GLTP: variants seen among roughly 807,000 people sequenced by gnomAD.
The protein encoded by GLTP is glycolipid transfer protein.
GLTP carries 22 observed loss-of-function variants against 24.0 expected under a neutral mutation model. The ratio of observed to expected loss-of-function variants is 0.92; its 90% CI spans 0.65 to 1.31. The LOEUF is 1.31. Ranked by LOEUF, GLTP falls within the 50% of genes most tolerant of loss-of-function variation. The pLI, the probability that GLTP is intolerant of heterozygous loss-of-function variation, is 0.00. For missense variants in GLTP, 224 were observed against 276.6 expected (o/e 0.81, Z 1.35); for synonymous variants, 92 against 115.9 (o/e 0.79, Z 1.33).
chr12:109,875,473 G>C (rs1165865634), intron 1 of GLTP, among the ~76,000 whole-genome samples: 1 of 152,186 alleles, frequency 6.6e-6, no homozygotes, highest in East Asian at 1.9e-4. Context: ...GAGGCTTCTA[G>C]ACAGGGAATG....
Position 109,855,641 on chromosome 12 carries a change from C to T in GLTP, c.425G>A (p.Trp142Ter). The change falls in exon 4 of 5, where the codon TGG becomes TAG. Residue 142 changes from tryptophan (W) to a stop codon, truncating the protein, a stop_gained. Transcript: ENST00000318348. LOFTEE classifies it high-confidence loss of function. This position sits in a 1 kb window ranked among gnomAD's most constrained non-coding sequence, Gnocchi z 4.1. The stretch of plus-strand genomic sequence containing the variant: ...CACCTGGAAGATCTTCTGCACGATC[C>T]AGCCATGGTACTTCTTGAGGGCCAT... Reference protein sequence around the residue: ...YEMALKKYHGWIVQKIFQAAL... With the variant: ...YEMALKKYHG 1.3e-6 allele frequency: 2 copies of T among 1,582,078 alleles called. No homozygotes were observed. Among genetic ancestry groups the T allele is most frequent in the Non-Finnish European group, 1.7e-6 (2 of 1,164,122 alleles).
intron 1 of GLTP, among the ~76,000 whole-genome samples, chr12:109,873,020 T>C (rs1474446431): frequency 6.6e-6 from 1 of 152,204 alleles, no homozygotes; most frequent in Non-Finnish European, 1.5e-5. Flanking sequence ...ATTTGAGTTT[T>C]GTTTTGTTTT....
At chr12:109,860,407 A>G (rs540806055) in intron 1 of GLTP, 88 of 213,142 alleles carry the variant, frequency 4.1e-4, no homozygotes, top group Non-Finnish European at 7.7e-4. Flanking sequence ...ATTGTCTTCA[A>G]TAGTAGCATG....
intron 1 of GLTP, among the ~76,000 whole-genome samples, chr12:109,879,031 C>T (rs1283379565): frequency 6.6e-6 from 1 of 152,194 alleles, no homozygotes; most frequent in Non-Finnish European, 1.5e-5. Flanking sequence ...CACAGCTGCC[C>T]TAGGAGATCA....
At chr12:109,867,348 C>G (rs1868562094) in intron 1 of GLTP, among the ~76,000 whole-genome samples, 1 of 151,838 alleles carries the variant, frequency 6.6e-6, no homozygotes, top group South Asian at 2.1e-4. Context: ...AGGGTTTCAC[C>G]ATGTTGCCCA....
chr12:109,853,754 A>C (rs1892757842), intron 4 of GLTP, among the ~76,000 whole-genome samples: 1 of 151,632 alleles, frequency 6.6e-6, no homozygotes, highest in South Asian at 2.1e-4. Context: ...TTATTTAAAA[A>C]ATTTTTTTAG....
intron 1 of GLTP, among the ~76,000 whole-genome samples, chr12:109,863,662 T>C (rs1393066478): frequency 6.6e-6 from 1 of 152,222 alleles, no homozygotes; most frequent in Non-Finnish European, 1.5e-5. Flanking sequence ...ACTTTGGGCC[T>C]CAGTTCCCCT....
Position 109,852,243 on chromosome 12 carries a change from C to A in GLTP, c.*312G>T. 4.5e-6 allele frequency: 1 copy of A among 220,422 alleles called. No individual in the cohort carries two copies. The highest frequency in any genetic ancestry group is 8.9e-6 in the Non-Finnish European group (1 of 112,256). The allele number at this position is 220,422 out of a possible 1,614,324, so 13.7% of individuals were successfully genotyped here. A position where few individuals can be genotyped will look rare whatever the true frequency, so the allele number is the denominator to read the frequency against. On this transcript the variant is annotated 3_prime_UTR_variant, in exon 5 of 5. Transcript: ENST00000318348. ...AAAACAAAACCAAAAAACCCTAGGA[C>A]TTGACTCATTAGAAGTGTTAATCGG...
At position 109,852,738 on chromosome 12, in the gene GLTP, C is replaced by T; in HGVS notation, c.448-1G>A. Reference sequence around the variant, plus strand: ...TATAGGGTGCTGCGTACAGTGCTGCCTTGAGACAGGCAAGAAGGGAGGTAG... The same window carrying T: ...TATAGGGTGCTGCGTACAGTGCTGCTTTGAGACAGGCAAGAAGGGAGGTAG... On this transcript the variant is annotated splice_acceptor_variant, in intron 4 of 4. Coordinates refer to ENST00000318348, the MANE Select transcript of GLTP (RefSeq NM_016433.4). LOFTEE classifies it high-confidence loss of function. 6.2e-7 allele frequency: 1 copy of T among 1,607,726 alleles called. No homozygotes were observed. The highest frequency in any genetic ancestry group is 8.5e-7 in the Non-Finnish European group (1 of 1,174,884).
chr12:109,858,791 T>C lies in GLTP; in HGVS notation c.104-50A>G, dbSNP rs182929112. ...TTGAGATTCGCAGCAAGAGTGATTT[T>C]TCAGGGCCACCGCAGGCCATGGGGA... is the stretch of plus-strand genomic sequence containing the variant. On this transcript the variant is annotated intron_variant, in intron 1 of 4. Coordinates refer to ENST00000318348, the MANE Select transcript of GLTP (RefSeq NM_016433.4). 1.1e-5 allele frequency: 14 copies of C among 1,273,932 alleles called. No individual in the cohort carries two copies. The East Asian group carries it at 3.0e-4, about 27-fold the overall frequency. The allele number at this position is 1,273,932 out of a possible 1,614,324, so 78.9% of individuals were successfully genotyped here.
At chr12:109,869,758 C>A (rs948414411) in intron 1 of GLTP, among the ~76,000 whole-genome samples, 2 of 150,776 alleles carry the variant, frequency 1.3e-5, no homozygotes, top group Non-Finnish European at 3.0e-5. Context: ...TGTGAGCCAC[C>A]ACACTCAACT....
At chr12:109,856,063 T>C (rs962816484) in intron 3 of GLTP, among the ~76,000 whole-genome samples, 2 of 152,042 alleles carry the variant, frequency 1.3e-5, no homozygotes, top group African/African-American at 4.8e-5. Flanking sequence ...CATTTCTGTG[T>C]CCACATGACC....
intron 3 of GLTP, among the ~76,000 whole-genome samples, chr12:109,856,871 T>G (rs116806630): frequency 0.031 from 4,668 of 152,162 alleles, 242 homozygotes; most frequent in African/African-American, 0.11. Context: ...TTGTCTCTAC[T>G]AAAAATACAA....
rs549738039 is a variant in GLTP, at chr12:109,854,853, ACTGGCTTCTGCCCCAGCCTGCT to A, written c.447+744_447+765del. Reference sequence around the variant, plus strand: ...ACCAGCTCTTCCTCTCTGGAACCATACTGGCTTCTGCCCCAGCCTGCTTGCAGACTGTACCCCACAGGAACAC... The same window carrying A: ...ACCAGCTCTTCCTCTCTGGAACCATATGCAGACTGTACCCCACAGGAACAC... On this transcript the variant is annotated intron_variant, in intron 4 of 4. Coordinates refer to ENST00000318348, the MANE Select transcript of GLTP (RefSeq NM_016433.4). Among the ~76,000 whole-genome samples, 5 of 152,170 alleles carry A rather than the reference ACTGGCTTCTGCCCCAGCCTGCT, an allele frequency of 3.3e-5. No homozygotes were observed. In the East Asian group the frequency reaches 9.7e-4, roughly 29 times the overall value.
intron 1 of GLTP, among the ~76,000 whole-genome samples, chr12:109,868,012 C>G (rs536286021): frequency 6.6e-6 from 1 of 152,178 alleles, no homozygotes; most frequent in African/African-American, 2.4e-5. Context: ...CTCCTGACCT[C>G]GTGATCCACC....
At chr12:109,874,271 C>T (rs1408036628) in intron 1 of GLTP, among the ~76,000 whole-genome samples, 1 of 152,162 alleles carries the variant, frequency 6.6e-6, no homozygotes, top group African/African-American at 2.4e-5. Flanking sequence ...ACCTCTCTGG[C>T]CTCGGTTTCT....
chr12:109,852,578 C>T lies in GLTP; in HGVS notation c.607G>A (p.Ala203Thr), dbSNP rs201181687. ...GCCTACACCTTGTAGTTAAGCTCAG[C>T]GTTCATCTGGGTGTACATCTCGTAG... is the stretch of plus-strand genomic sequence containing the variant. ...VIYEMYTQMN[A>T]ELNYKV The change falls in exon 5 of 5, where the codon GCT (alanine) becomes ACT (threonine). Residue 203 changes from alanine to threonine, a missense_variant. By Grantham distance (58) the Ala-to-Thr change is moderately conservative. Coordinates refer to ENST00000318348, the MANE Select transcript of GLTP (RefSeq NM_016433.4). The T allele has an allele frequency of 1.9e-6, 3 of 1,609,836 alleles. No homozygotes were observed. Among genetic ancestry groups the T allele is most frequent in the East Asian group, 2.2e-5 (1 of 44,850 alleles).
At chr12:109,867,764 G>A (rs1868574852) in intron 1 of GLTP, among the ~76,000 whole-genome samples, 1 of 148,906 alleles carries the variant, frequency 6.7e-6, no homozygotes, top group Non-Finnish European at 1.5e-5. Context: ...GCTCACTGCA[G>A]CTTTTTCTTT....
chr12:109,858,081 G>A (rs560924054), intron 2 of GLTP: 6 of 457,160 alleles, frequency 1.3e-5, no homozygotes, highest in Middle Eastern at 3.3e-4. Context: ...GTCCAGGAAC[G>A]AAGGCCTCTG....
Sources: gnomAD v4.1 joint callset for allele counts (sites outside exome capture counted in the v4.1 genomes callset) on GRCh38, gnomAD v4.1.1 for gene constraint, Gnocchi (gnomAD v3.1) non-coding constraint, MANE v1.5 for transcripts, NCBI Gene and HGNC (gene_info 2026-07-23, HGNC 2026-07-21) for gene names.